ROGDI: variants seen among roughly 807,000 people sequenced by gnomAD.
The protein encoded by ROGDI is protein rogdi homolog.
ROGDI carries 46 observed loss-of-function variants against 43.1 expected under a neutral mutation model. The observed-to-expected ratio is 1.07, with a 90% CI of 0.84 to 1.37. The LOEUF is 1.37. Ranked by LOEUF, ROGDI falls within the 40% of genes most tolerant of loss-of-function variation. The pLI is 0.00. For missense variants in ROGDI, 518 were observed against 383.9 expected (o/e 1.35, Z -2.92); for synonymous variants, 243 against 162.0 (o/e 1.50, Z -3.80).
At chr16:4,799,928 G>T in intron 5 of ROGDI, 147 bp from the exon 6 acceptor site, 1 of 623,566 alleles carries the variant, frequency 1.6e-6, no homozygotes, top group Non-Finnish European at 2.9e-6. Context: ...CCAGGTGATG[G>T]GCATCTGGCA....
chr16:4,797,352 G>C lies in ROGDI; in HGVS notation c.*108C>G. 1 of 955,154 alleles carries C rather than the reference G, an allele frequency of 1.0e-6. No homozygotes were observed. The allele number at this position is 955,154 out of a possible 1,614,324, so 59.2% of individuals were successfully genotyped here. A position where few individuals can be genotyped will look rare whatever the true frequency, so the allele number is the denominator to read the frequency against. ...ATGTGTTAGGTGGGGTAGGGGGTGG[G>C]ATAGGGAGATAAATAGCAGCCTGGC... is the stretch of plus-strand genomic sequence containing the variant. On this transcript the variant is annotated 3_prime_UTR_variant, in exon 11 of 11. Transcript: ENST00000322048.
At position 4,799,570 on chromosome 16, in the gene ROGDI, G is replaced by GT. The variant is rs528379608; in HGVS notation, c.432+115dup. On this transcript the variant is annotated intron_variant, in intron 6 of 10. Coordinates refer to ENST00000322048, the MANE Select transcript of ROGDI (RefSeq NM_024589.3). ...AGAAATGGAGACACAGAGTCGGCAG[G>GT]TAAGTGCTTACAGGTTGCACAGCTC... is the stretch of plus-strand genomic sequence containing the variant. 1.2e-4 allele frequency: 83 copies of GT among 664,120 alleles called. 1 individual carries two copies. The East Asian group carries it at 1.4e-3, about 11-fold the overall frequency. The allele number at this position is 664,120 out of a possible 1,614,324, so 41.1% of individuals were successfully genotyped here.
Position 4,799,865 on chromosome 16 carries a change from G to A in ROGDI, c.337-84C>T, listed in dbSNP as rs1567601027. On this transcript the variant is annotated intron_variant, in intron 5 of 10. Transcript: ENST00000322048. ...AGTGGGTGCTGCCTGCCTGCCCCAC[G>A]TCATTCCACTCTCCACACTGTCATC... 6.6e-5 allele frequency: 61 copies of A among 921,558 alleles called. 2 individuals carry two copies. The South Asian group carries it at 7.2e-4, about 11-fold the overall frequency. 57.1% of individuals were successfully genotyped at this position (921,558 alleles called of 1,614,324 possible).
At chr16:4,797,526 G>T in intron 10 of ROGDI, 25 bp from the exon 11 acceptor site, 1 of 1,357,598 alleles carries the variant, frequency 7.4e-7, no homozygotes, top group Non-Finnish European at 9.6e-7. Context: ...GGTGCTGTAG[G>T]TTGCTGAAGG....
intron 2 of ROGDI, 73 bp from the exon 3 acceptor site, chr16:4,801,658 CCCCT>C: frequency 7.3e-7 from 1 of 1,377,386 alleles, no homozygotes; most frequent in Non-Finnish European, 1.0e-6. Flanking sequence ...TCCAGAAGCC[CCCCT>C]CCCTCCAAGT....
chr16:4,802,090 G>A (rs1157348874), intron 2 of ROGDI: 2 of 633,800 alleles, frequency 3.2e-6, no homozygotes, highest in Non-Finnish European at 5.9e-6. Context: ...GGCAGAGGCA[G>A]AATTCTTCGG....
chr16:4,802,399 G>A lies in ROGDI; in HGVS notation c.100C>T (p.Leu34=). 4 of 1,570,572 alleles carry A rather than the reference G, an allele frequency of 2.5e-6. No individual in the cohort carries two copies. Among genetic ancestry groups the A allele is most frequent in the Non-Finnish European group, 3.4e-6 (4 of 1,162,450 alleles). Residue 34 remains leucine (L), a synonymous_variant, in exon 2 of 11, where the codon CTG becomes TTG. Coordinates refer to ENST00000322048, the MANE Select transcript of ROGDI (RefSeq NM_024589.3). The part of the protein sequence containing the change: ...HDEVHAVLKQ[L]QDILKEASLR... ...GTCGTTACCTTGAGGATGTCCTGCA[G>A]CTGCTTCAACACAGCGTGCACCTCG...
rs1173662922 is a variant in ROGDI, at chr16:4,797,940, C to T, written c.693G>A (p.Met231Ile). ...GGAVLHSPGA[M>I]FEWGSQRLEV... ...ACCCCCCGCCCCTGCCTACTTACAA[C>T]ATGGCCCCAGGGCTATGCAGCACCG... The change falls in exon 9 of 11, where the codon ATG becomes ATA. Residue 231 changes from methionine to isoleucine, a missense_variant and splice_region_variant. Coordinates refer to ENST00000322048, the MANE Select transcript of ROGDI (RefSeq NM_024589.3). The T allele has an allele frequency of 6.3e-7, 1 of 1,599,990 alleles. No homozygotes were observed. Among genetic ancestry groups the T allele is most frequent in the Non-Finnish European group, 8.5e-7 (1 of 1,170,886 alleles).
At chr16:4,801,167 G>A in intron 4 of ROGDI, 100 bp downstream of exon 4, 1 of 967,982 alleles carries the variant, frequency 1.0e-6, no homozygotes, top group Non-Finnish European at 1.5e-6. Flanking sequence ...AGAGATCAAG[G>A]GTCCCGCCCA....
chr16:4,798,750 C>G (rs1200589601), intron 6 of ROGDI, 83 bp from the exon 7 acceptor site: 2 of 1,164,514 alleles, frequency 1.7e-6, no homozygotes, highest in Non-Finnish European at 2.5e-6. Context: ...CTCCCACTCC[C>G]ACCCAGCCCA....
rs781044131 is a variant in ROGDI at position 4,797,374 on chromosome 16, T to C, written c.*86A>G. The stretch of plus-strand genomic sequence containing the variant: ...TGGGATAGGGAGATAAATAGCAGCC[T>C]GGCGTTGGCACTGGCTGGTGCTCTG... On this transcript the variant is annotated 3_prime_UTR_variant, in exon 11 of 11. Coordinates refer to ENST00000322048, the MANE Select transcript of ROGDI (RefSeq NM_024589.3). 1.0e-5 allele frequency: 13 copies of C among 1,238,358 alleles called. No individual in the cohort carries two copies. The East Asian group carries it at 2.6e-4, about 24-fold the overall frequency. The allele number at this position is 1,238,358 out of a possible 1,614,324, so 76.7% of individuals were successfully genotyped here.
chr16:4,801,152 G>C, intron 4 of ROGDI, 115 bp downstream of exon 4: 1 of 804,758 alleles, frequency 1.2e-6, no homozygotes, highest in Middle Eastern at 2.4e-4. Context: ...GAAAACTGAG[G>C]CCAGAGAGAT....
chr16:4,799,683 C>T lies in ROGDI; in HGVS notation c.432+3G>A, dbSNP rs1483538967. 2.5e-6 allele frequency: 4 copies of T among 1,611,082 alleles called. No individual in the cohort carries two copies. In the East Asian group the frequency reaches 6.7e-5, roughly 27 times the overall value. ...CCAGGAGTCAGGCCCGGGGGCAGCT[C>T]ACCTTGAGGACCTCAGCGCCCGTCT... On this transcript the variant is annotated splice_donor_region_variant and intron_variant, in intron 6 of 10. Transcript: ENST00000322048.
chr16:4,799,891 C>T (rs1284967647), intron 5 of ROGDI, 110 bp from the exon 6 acceptor site: 2 of 779,020 alleles, frequency 2.6e-6, no homozygotes, highest in African/African-American at 3.4e-5. Flanking sequence ...CACTGTCATC[C>T]CTGTGCCCCA....
intron 5 of ROGDI, 139 bp from the exon 6 acceptor site, chr16:4,799,920 A>T: frequency 1.6e-6 from 1 of 637,558 alleles, no homozygotes; most frequent in Non-Finnish European, 2.8e-6. Context: ...GGTCCACGCC[A>T]GGTGATGGGC....
At position 4,802,444 on chromosome 16, in the gene ROGDI, ACTC is replaced by A. The variant is rs1319711782; in HGVS notation, c.52_54del (p.Glu18del). 2 of 1,431,426 alleles carry A rather than the reference ACTC, an allele frequency of 1.4e-6. No homozygotes were observed. Among genetic ancestry groups the A allele is most frequent in the Non-Finnish European group, 1.8e-6 (2 of 1,096,034 alleles). The allele number at this position is 1,431,426 out of a possible 1,614,324, so 88.7% of individuals were successfully genotyped here. A position where few individuals can be genotyped will look rare whatever the true frequency, so the allele number is the denominator to read the frequency against. On this transcript the variant is annotated inframe_deletion, in exon 2 of 11. Transcript: ENST00000322048. Reference sequence around the variant, plus strand: ...ACCTCGTCGTGCAGCAGCCAGCGGAACTCCTCCTCCTGCGGGACAGACCCGGCG... The same window carrying A: ...ACCTCGTCGTGCAGCAGCCAGCGGAACTCCTCCTGCGGGACAGACCCGGCG...
At chr16:4,798,455 C>A (rs1176866435) in intron 7 of ROGDI, 114 bp downstream of exon 7, 8 of 881,684 alleles carry the variant, frequency 9.1e-6, no homozygotes, top group East Asian at 2.6e-5. Context: ...CCTGCCTAGA[C>A]AGAATATTCC....
Position 4,802,403 on chromosome 16 carries a change from C to T in ROGDI, c.96G>A (p.Lys32=), listed in dbSNP as rs780576737. Residue 32 remains lysine, a synonymous_variant, in exon 2 of 11, where the codon AAG becomes AAA. Coordinates refer to ENST00000322048, the MANE Select transcript of ROGDI (RefSeq NM_024589.3). ...LLHDEVHAVL[K]QLQDILKEAS... is the part of the protein sequence containing the mutation. ...TTACCTTGAGGATGTCCTGCAGCTG[C>T]TTCAACACAGCGTGCACCTCGTCGT... is the stretch of plus-strand genomic sequence containing the variant. 4.5e-6 allele frequency: 7 copies of T among 1,565,134 alleles called. No individual in the cohort carries two copies. Among genetic ancestry groups the T allele is most frequent in the African/African-American group, 1.4e-5 (1 of 72,760 alleles).
At chr16:4,801,425 C>A in intron 3 of ROGDI, 78 bp downstream of exon 3, 1 of 1,561,680 alleles carries the variant, frequency 6.4e-7, no homozygotes, top group Non-Finnish European at 8.7e-7. Context: ...ACCAGCTGGT[C>A]TGCAGGACAG....
Sources: gnomAD v4.1 joint callset for allele counts on GRCh38, gnomAD v4.1.1 for gene constraint, MANE v1.5 for transcripts, NCBI Gene and HGNC (gene_info 2026-07-23, HGNC 2026-07-21) for gene names.